Variants in JARID2 observed in about 807,000 individuals in gnomAD.
JARID2 encodes jumonji and AT-rich interaction domain containing 2, also known as protein Jumonji.
In JARID2, 21 loss-of-function variants were observed where a neutral mutation model predicts 125.6. The ratio of observed to expected loss-of-function variants is 0.17; its 90% CI spans 0.12 to 0.24. The LOEUF (loss-of-function observed/expected upper bound fraction) is 0.24, where lower values mean the gene tolerates loss of function less well. Among genes scored for constraint, JARID2 ranks in the 10% least tolerant of loss-of-function variants. The probability of loss-of-function intolerance (pLI) is 1.00; values close to 1 mark genes in which losing one functional copy is unlikely to be tolerated. For missense variants in JARID2, 1,303 were observed against 1,639.6 expected (o/e 0.79, Z 3.55); for synonymous variants, 736 against 661.6 (o/e 1.11, Z -1.73).
At chr6:15,436,386 T>A (rs764055407) in intron 3 of JARID2, among the ~76,000 whole-genome samples, 2 of 152,206 alleles carry the variant, frequency 1.3e-5, no homozygotes, top group Non-Finnish European at 2.9e-5. Flanking sequence ...TCTGCGGCCG[T>A]GCTCTCCACA....
At chr6:15,441,653 T>A (rs1024382192) in intron 3 of JARID2, among the ~76,000 whole-genome samples, 1 of 152,172 alleles carries the variant, frequency 6.6e-6, no homozygotes, top group Non-Finnish European at 1.5e-5. Context: ...CTTTGTGCTT[T>A]GGTCTGTCGT....
intron 1 of JARID2, among the ~76,000 whole-genome samples, chr6:15,368,539 T>A (rs930256185): frequency 2.0e-5 from 3 of 152,236 alleles, no homozygotes; most frequent in Admixed American, 6.5e-5. Flanking sequence ...AATTTGAATG[T>A]ATATTTAATT....
chr6:15,520,932 G>A lies in JARID2; in HGVS notation c.*681G>A. The stretch of plus-strand genomic sequence containing the variant: ...CCAGGAAAGAAGAAAAGCGAGCGAG[G>A]AAGACGGAAAAGACTGCCTGCCTTG... On this transcript the variant is annotated 3_prime_UTR_variant, in exon 18 of 18. Transcript: ENST00000341776. 1 of 428,260 alleles carries A rather than the reference G, an allele frequency of 2.3e-6. No homozygotes were observed. The highest frequency in any genetic ancestry group is 4.8e-6 in the Non-Finnish European group (1 of 208,522). The allele number at this position is 428,260 out of a possible 1,614,324, so 26.5% of individuals were successfully genotyped here.
At chr6:15,430,140 T>C (rs1488724210) in intron 3 of JARID2, among the ~76,000 whole-genome samples, 1 of 152,218 alleles carries the variant, frequency 6.6e-6, no homozygotes, top group Non-Finnish European at 1.5e-5. Flanking sequence ...TGCATCTATG[T>C]CCATGATAAT....
chr6:15,269,286 G>A (rs991955764), intron 1 of JARID2, among the ~76,000 whole-genome samples: 1 of 152,142 alleles, frequency 6.6e-6, no homozygotes, highest in Non-Finnish European at 1.5e-5. Context: ...TGGGGGGGGC[G>A]GAAAGAAGTT....
At chr6:15,520,021 C>T (rs181904024) in intron 17 of JARID2, 48 bp from the exon 18 acceptor site, 12 of 1,521,620 alleles carry the variant, frequency 7.9e-6, no homozygotes, top group African/African-American at 1.4e-5. Flanking sequence ...GGACAGAGCT[C>T]TTGTTAATAC....
At chr6:15,364,530 T>C (rs1378366800) in intron 1 of JARID2, among the ~76,000 whole-genome samples, 1 of 152,244 alleles carries the variant, frequency 6.6e-6, no homozygotes, top group Non-Finnish European at 1.5e-5. Flanking sequence ...AGGCCAGATG[T>C]GCCCCACAGG....
At chr6:15,472,181 T>C (rs1769108424) in intron 5 of JARID2, among the ~76,000 whole-genome samples, 1 of 151,880 alleles carries the variant, frequency 6.6e-6, no homozygotes, top group African/African-American at 2.4e-5. Flanking sequence ...GTGGAATGAG[T>C]GGTCTTGGGT....
At chr6:15,444,293 G>T (rs1354326025) in intron 3 of JARID2, among the ~76,000 whole-genome samples, 2 of 152,214 alleles carry the variant, frequency 1.3e-5, no homozygotes, top group Non-Finnish European at 2.9e-5. Flanking sequence ...TATGGTCTAT[G>T]CTAGTGCCTC....
intron 3 of JARID2, among the ~76,000 whole-genome samples, chr6:15,413,002 GTTTTTGTTTTTTTTT>G (rs1185886076): frequency 2.1e-5 from 1 of 46,562 alleles, no homozygotes; most frequent in East Asian, 6.3e-4. Context: ...AAGAGCTTGT[GTTTTTGTTTTTTTTT>G]TTTTTGTTTT....
At chr6:15,473,944 A>T (rs1272384216) in intron 5 of JARID2, among the ~76,000 whole-genome samples, 1 of 152,202 alleles carries the variant, frequency 6.6e-6, no homozygotes, top group Non-Finnish European at 1.5e-5. Flanking sequence ...GTTTCGTGAA[A>T]CCAAAGTCAG....
intron 3 of JARID2, among the ~76,000 whole-genome samples, chr6:15,412,932 T>G (rs1765945344): frequency 6.6e-6 from 1 of 151,862 alleles, no homozygotes; most frequent in African/African-American, 2.4e-5. Flanking sequence ...TAGTGGATTG[T>G]TAAACAGATG....
intron 17 of JARID2, among the ~76,000 whole-genome samples, chr6:15,518,308 C>G (rs569422050): frequency 1.3e-5 from 2 of 152,290 alleles, no homozygotes; most frequent in African/African-American, 2.4e-5. Context: ...CAGCCTGTTT[C>G]TGTAGTCGGA....
chr6:15,488,581 TGTG>T (rs1196086164), intron 6 of JARID2, among the ~76,000 whole-genome samples: 1 of 152,190 alleles, frequency 6.6e-6, no homozygotes, highest in East Asian at 1.9e-4. Flanking sequence ...ACATGGTTAT[TGTG>T]GTGTGAAAAT....
chr6:15,398,998 G>A (rs965858149), intron 2 of JARID2, among the ~76,000 whole-genome samples: 2 of 152,218 alleles, frequency 1.3e-5, no homozygotes, highest in African/African-American at 2.4e-5. Context: ...GATCATTGAA[G>A]CAGCCAAAAG....
intron 1 of JARID2, among the ~76,000 whole-genome samples, chr6:15,327,019 C>T (rs1025254037): frequency 1.3e-4 from 20 of 152,106 alleles, no homozygotes; most frequent in Non-Finnish European, 2.9e-4. Flanking sequence ...TCACTTGTTC[C>T]AAGTGCCACA....
intron 3 of JARID2, among the ~76,000 whole-genome samples, chr6:15,416,828 T>C (rs1766250214): frequency 6.6e-6 from 1 of 152,206 alleles, no homozygotes; most frequent in Admixed American, 6.5e-5. Flanking sequence ...CTATCTCCTT[T>C]CTCATTTTGC....
chr6:15,450,987 AC>A (rs1462873669), intron 3 of JARID2, among the ~76,000 whole-genome samples: 1 of 152,024 alleles, frequency 6.6e-6, no homozygotes, highest in Non-Finnish European at 1.5e-5. Context: ...ACATAGTGAA[AC>A]CTCACCTCTA....
chr6:15,512,976 C>T lies in JARID2; in HGVS notation c.3197C>T (p.Ala1066Val), dbSNP rs1771349155. 6.2e-7 allele frequency: 1 copy of T among 1,613,690 alleles called. No individual in the cohort carries two copies. Among genetic ancestry groups the T allele is most frequent in the Non-Finnish European group, 8.5e-7 (1 of 1,179,942 alleles). ...FSMEKLLYQI[A>V]QAEAKKENGP... The stretch of plus-strand genomic sequence containing the variant: ...ATGGAGAAGTTACTCTACCAGATTG[C>T]ACAAGCAGAAGCAAAAAAAGAAAAC... The change falls in exon 15 of 18, where the codon GCA (alanine) becomes GTA (valine). Residue 1066 changes from alanine (A) to valine (V), a missense_variant. Physicochemically the swap from Ala to Val is moderately conservative, Grantham distance 64. This residue lies in a region of JARID2 where 190 missense variants were observed against 341.4 expected (regional missense o/e 0.56). Transcript: ENST00000341776.
Sources: allele counts gnomAD v4.1 joint callset (sites outside exome capture counted in the v4.1 genomes callset), GRCh38; gene constraint gnomAD v4.1.1; regional missense constraint gnomAD v4.1.1; transcripts MANE v1.5; gene names NCBI Gene and HGNC (gene_info 2026-07-23, HGNC 2026-07-21).